The following KMT5B variants were observed in gnomAD, a reference collection of about 807,000 sequenced individuals.
KMT5B encodes the protein lysine methyltransferase 5B.
Under a neutral mutation model 83.2 loss-of-function variants are expected in KMT5B, and 10 were observed. The ratio of observed to expected loss-of-function variants is 0.12; its 90% CI spans 0.07 to 0.20. The LOEUF (loss-of-function observed/expected upper bound fraction) is 0.20, where lower values mean the gene tolerates loss of function less well. Among genes scored for constraint, KMT5B ranks in the 10% least tolerant of loss-of-function variants. KMT5B has a pLI of 1.00. For missense variants in KMT5B, 753 were observed against 1,067.2 expected (o/e 0.71, Z 4.10); for synonymous variants, 349 against 388.8 (o/e 0.90, Z 1.20).
At chr11:68,203,811 T>G (rs912877150) in intron 1 of KMT5B, among the ~76,000 whole-genome samples, 7 of 152,170 alleles carry the variant, frequency 4.6e-5, no homozygotes, top group African/African-American at 1.7e-4. Flanking sequence ...GAATTCACAA[T>G]TATGCTTCTA....
chr11:68,192,871 C>A (rs183189261), intron 1 of KMT5B, among the ~76,000 whole-genome samples: 36 of 152,326 alleles, frequency 2.4e-4, no homozygotes, highest in Admixed American at 5.9e-4. Context: ...ATCATTCCTT[C>A]ACAATGGCAA....
At chr11:68,177,149 G>C (rs780541889) in intron 4 of KMT5B, among the ~76,000 whole-genome samples, 1 of 152,158 alleles carries the variant, frequency 6.6e-6, no homozygotes, top group African/African-American at 2.4e-5. Flanking sequence ...CATGGCCACT[G>C]TTCTTGAATG....
chr11:68,193,325 C>A (rs771600451), intron 1 of KMT5B, among the ~76,000 whole-genome samples: 1 of 152,154 alleles, frequency 6.6e-6, no homozygotes, highest in East Asian at 1.9e-4. Context: ...TAGAAAAGTA[C>A]AAATGATAAA....
chr11:68,174,899 A>C, intron 5 of KMT5B, 119 bp downstream of exon 5: 1 of 937,432 alleles, frequency 1.1e-6, no homozygotes, highest in South Asian at 1.8e-5. Flanking sequence ...AGATCTTCAG[A>C]CTGATTAGTT....
At chr11:68,160,357 A>C (rs1854746919) in intron 10 of KMT5B, among the ~76,000 whole-genome samples, 1 of 152,214 alleles carries the variant, frequency 6.6e-6, no homozygotes, top group African/African-American at 2.4e-5. Flanking sequence ...TTGTTACACA[A>C]GTCAGTTTCT....
chr11:68,171,832 T>A lies in KMT5B; in HGVS notation c.654-123A>T. 3 of 787,928 alleles carry A rather than the reference T, an allele frequency of 3.8e-6. No individual in the cohort carries two copies. The highest frequency in any genetic ancestry group is 2.9e-5 in the Admixed American group (1 of 34,826). 48.8% of individuals were successfully genotyped at this position (787,928 alleles called of 1,614,324 possible). A position where few individuals can be genotyped will look rare whatever the true frequency, so the allele number is the denominator to read the frequency against. On this transcript the variant is annotated intron_variant, in intron 6 of 10. Coordinates refer to ENST00000304363, the MANE Select transcript of KMT5B (RefSeq NM_017635.5). This position sits in a 1 kb window ranked among gnomAD's most constrained non-coding sequence, Gnocchi z 5.1. ...AAAGGCCTAGCTGTCTATACTTTAG[T>A]TAGCTCACTGGGATCCCCACCTGGC...
chr11:68,210,168 A>G (rs777730744), intron 1 of KMT5B, among the ~76,000 whole-genome samples: 38 of 152,070 alleles, frequency 2.5e-4, no homozygotes, highest in Admixed American at 5.2e-4. Context: ...TTAGTGTGCT[A>G]TTACAACAGA....
At position 68,157,824 on chromosome 11, in the gene KMT5B, T is replaced by C. The variant is rs1859407616; in HGVS notation, c.2522A>G (p.Tyr841Cys). 2 of 1,614,056 alleles carry C rather than the reference T, an allele frequency of 1.2e-6. No individual in the cohort carries two copies. Among genetic ancestry groups the C allele is most frequent in the South Asian group, 1.1e-5 (1 of 91,086 alleles). Residue 841 changes from tyrosine (Y) to cysteine (C), a missense_variant, in exon 11 of 11, where the codon TAT (tyrosine) becomes TGT (cysteine). Physicochemically the swap from Tyr to Cys is radical, Grantham distance 194. This residue lies in a region of KMT5B where 161 missense variants were observed against 195.1 expected (regional missense o/e 0.83). Transcript: ENST00000304363. ...SSEGDEEEDD[Y>C]DDDFEDDFIP... The stretch of plus-strand genomic sequence containing the variant: ...AAAATCGTCTTCAAAGTCATCATCA[T>C]AGTCATCCTCCTCTTCATCGCCCTC...
intron 1 of KMT5B, among the ~76,000 whole-genome samples, chr11:68,208,597 G>A (rs937900494): frequency 1.3e-5 from 2 of 152,166 alleles, no homozygotes; most frequent in Non-Finnish European, 1.5e-5. Flanking sequence ...AATCTGATGC[G>A]AGCTGTAAGA....
intron 1 of KMT5B, among the ~76,000 whole-genome samples, chr11:68,200,475 A>C (rs999249097): frequency 1.3e-5 from 2 of 152,262 alleles, no homozygotes; most frequent in African/African-American, 4.8e-5. Flanking sequence ...CTAAATGGAC[A>C]CAATGTCTTA....
rs115970853 is a variant in KMT5B, at chr11:68,168,799, C to A, written c.978-1621G>T. On this transcript the variant is annotated intron_variant, in intron 9 of 10. Transcript: ENST00000304363. The stretch of plus-strand genomic sequence containing the variant: ...GTGATTCCGTCCATTCTCACTTCTT[C>A]ACGGAGCCTCTTCCTTTTACCCTCT... Among the ~76,000 whole-genome samples, 361 of 152,334 alleles carry A rather than the reference C, an allele frequency of 2.4e-3. 2 individuals carry two copies. The highest frequency in any genetic ancestry group is 7.9e-3 in the African/African-American group (328 of 41,560).
In KMT5B at chr11:68,158,404, G is replaced by A. The variant is rs1859456262; in HGVS notation, c.1942C>T (p.Pro648Ser). 3.7e-6 allele frequency: 6 copies of A among 1,613,992 alleles called. No individual in the cohort carries two copies. The East Asian group carries it at 1.1e-4, about 30-fold the overall frequency. ...CTGTGCTCACCCTGGTCAGAATGGG[G>A]ACCCATCAAATCTGGTACCGCGTCG... ...KDDAVPDLMG[P>S]HSDQGEHSGT... The change falls in exon 11 of 11, where the codon CCC becomes TCC. Residue 648 changes from proline to serine, a missense_variant. This residue lies in a region of KMT5B where 397 missense variants were observed against 395.9 expected (regional missense o/e 1.00). Transcript: ENST00000304363.
intron 3 of KMT5B, among the ~76,000 whole-genome samples, chr11:68,184,119 C>T (rs913670923): frequency 9.9e-5 from 15 of 151,928 alleles, no homozygotes; most frequent in African/African-American, 3.4e-4. Flanking sequence ...GTCTATAATC[C>T]CAGCACTTTG....
At chr11:68,200,225 T>C (rs1222482617) in intron 1 of KMT5B, among the ~76,000 whole-genome samples, 4 of 152,128 alleles carry the variant, frequency 2.6e-5, no homozygotes, top group Non-Finnish European at 5.9e-5. Context: ...GGACTGGGTG[T>C]CGGGGGCACT....
In KMT5B at chr11:68,174,943, C is replaced by A. The variant is rs886375741; in HGVS notation, c.543+75G>T. On this transcript the variant is annotated intron_variant, in intron 5 of 10. Coordinates refer to ENST00000304363, the MANE Select transcript of KMT5B (RefSeq NM_017635.5). ...AATAAATTTAAAATTTCAGTATTAA[C>A]TAACATTTAGGGTTTTAATTTACTT... 3 of 1,327,706 alleles carry A rather than the reference C, an allele frequency of 2.3e-6. No homozygotes were observed. In the African/African-American group the frequency reaches 4.5e-5, roughly 20 times the overall value. The allele number at this position is 1,327,706 out of a possible 1,614,324, so 82.2% of individuals were successfully genotyped here.
rs773963102 is a variant in KMT5B, at chr11:68,171,544, A to G, written c.819T>C (p.His273=). The G allele has an allele frequency of 5.0e-6, 8 of 1,612,932 alleles. No individual in the cohort carries two copies. The highest frequency in any genetic ancestry group is 2.7e-5 in the African/African-American group (2 of 74,910). Reference sequence around the variant, plus strand: ...CAACACCTTGGAAACACAGCTTACCATGGTTTATAAACGCAGCAGGACCCA... The same window carrying G: ...CAACACCTTGGAAACACAGCTTACCGTGGTTTATAAACGCAGCAGGACCCA... ...LWLGPAAFIN[H]DCRPNCKFVS... is the part of the protein sequence containing the mutation. Residue 273 remains histidine (H), a splice_region_variant and synonymous_variant, in exon 7 of 11, where the codon CAT becomes CAC. Coordinates refer to ENST00000304363, the MANE Select transcript of KMT5B (RefSeq NM_017635.5). This position sits in a 1 kb window ranked among gnomAD's most constrained non-coding sequence, Gnocchi z 5.1.
At position 68,158,648 on chromosome 11, in the gene KMT5B, G is replaced by A; in HGVS notation, c.1698C>T (p.Ser566=). ...TGTCGGGGCAAGGTTCCGTCACACT[G>A]CTTTTATAGCCATTCAACGTATTTG... ...LEPNTLNGYK[S]SVTEPCPDSG... Residue 566 remains serine, a synonymous_variant, in exon 11 of 11, where the codon AGC becomes AGT. Transcript: ENST00000304363. 2 of 1,614,122 alleles carry A rather than the reference G, an allele frequency of 1.2e-6. No individual in the cohort carries two copies. The highest frequency in any genetic ancestry group is 1.7e-6 in the Non-Finnish European group (2 of 1,180,032).
At chr11:68,165,698 A>G in intron 10 of KMT5B, 1 of 1,359,320 alleles carries the variant, frequency 7.4e-7, no homozygotes. Flanking sequence ...TCACCAAGGA[A>G]CCAGACTCAG....
At chr11:68,168,481 G>T (rs139171956) in intron 9 of KMT5B, among the ~76,000 whole-genome samples, 11 of 151,986 alleles carry the variant, frequency 7.2e-5, no homozygotes, top group Admixed American at 6.6e-4. Context: ...AATTATAGGC[G>T]CGCACCACCA....
Sources: allele counts gnomAD v4.1 joint callset (sites outside exome capture counted in the v4.1 genomes callset), GRCh38; gene constraint gnomAD v4.1.1; regional missense constraint gnomAD v4.1.1; non-coding constraint Gnocchi (gnomAD v3.1); transcripts MANE v1.5; gene names NCBI Gene and HGNC (gene_info 2026-07-23, HGNC 2026-07-21).